Variants in PCNX1 observed in about 807,000 individuals in gnomAD.
The protein encoded by PCNX1 is pecanex-like protein 1.
PCNX1 carries 78 observed loss-of-function variants against 242.2 expected under a neutral mutation model. The ratio of observed to expected loss-of-function variants is 0.32; its 90% CI spans 0.27 to 0.39. The LOEUF is 0.39. PCNX1 is among the 10% of genes least tolerant of loss of function. The probability of loss-of-function intolerance (pLI) is 1.00; values close to 1 mark genes in which losing one functional copy is unlikely to be tolerated. For missense variants in PCNX1, 2,581 were observed against 2,856.5 expected (o/e 0.90, Z 2.20); for synonymous variants, 1,024 against 1,032.9 (o/e 0.99, Z 0.17).
intron 19 of PCNX1, among the ~76,000 whole-genome samples, chr14:71,039,788 GTTA>G (rs2060653493): frequency 6.6e-6 from 1 of 152,166 alleles, no homozygotes; most frequent in Non-Finnish European, 1.5e-5. Context: ...AGTCTAGAAT[GTTA>G]TTATCTAAAT....
intron 16 of PCNX1, among the ~76,000 whole-genome samples, chr14:71,030,217 G>T (rs2060344354): frequency 6.6e-6 from 1 of 152,054 alleles, no homozygotes; most frequent in African/African-American, 2.4e-5. Context: ...ATTTTTAACT[G>T]ATTCTTTTTG....
At position 71,113,941 on chromosome 14, in the gene PCNX1, T is replaced by C. The variant is rs1490963192; in HGVS notation, c.*4006T>C. On this transcript the variant is annotated 3_prime_UTR_variant, in exon 36 of 36. Coordinates refer to ENST00000304743, the MANE Select transcript of PCNX1 (RefSeq NM_014982.3). Reference sequence around the variant, plus strand: ...GTAATGTAATCATATAAAGTTACTTTGGACAGAGACCCAGTTAATTTTCTC... The same window carrying C: ...GTAATGTAATCATATAAAGTTACTTCGGACAGAGACCCAGTTAATTTTCTC... 5 of 152,296 alleles carry C rather than the reference T, an allele frequency of 3.3e-5. No homozygotes were observed. The East Asian group carries it at 9.6e-4, about 29-fold the overall frequency. 9.4% of individuals were successfully genotyped at this position (152,296 alleles called of 1,614,324 possible).
Position 71,050,773 on chromosome 14 carries a change from T to C in PCNX1, c.4447+13T>C, listed in dbSNP as rs2061004603. ...TTTGCAGTGCCTCGTATCCTTCTAA[T>C]TAAAGTTTTATAAGAATGGACAGTC... On this transcript the variant is annotated intron_variant, in intron 23 of 35. Transcript: ENST00000304743. 6.2e-7 allele frequency: 1 copy of C among 1,609,116 alleles called. No homozygotes were observed. Among genetic ancestry groups the C allele is most frequent in the Non-Finnish European group, 8.5e-7 (1 of 1,178,154 alleles).
intron 16 of PCNX1, among the ~76,000 whole-genome samples, chr14:71,031,478 A>G (rs1160008649): frequency 1.3e-5 from 2 of 152,106 alleles, no homozygotes; most frequent in Non-Finnish European, 2.9e-5. Flanking sequence ...CTGCCCTCCC[A>G]TTCTCCCGTC....
At chr14:70,910,026 C>T (rs888811881) in intron 1 of PCNX1, among the ~76,000 whole-genome samples, 3 of 90,346 alleles carry the variant, frequency 3.3e-5, no homozygotes, top group South Asian at 3.4e-4. Flanking sequence ...TAGACGACGA[C>T]TCCTCCCTCC....
At position 71,047,838 on chromosome 14, in the gene PCNX1, T is replaced by C. The variant is rs1297049947; in HGVS notation, c.4192T>C (p.Leu1398=). The C allele has an allele frequency of 1.7e-5, 27 of 1,612,846 alleles. 1 individual carries two copies. The Admixed American group carries it at 4.5e-4, about 27-fold the overall frequency. Residue 1398 remains leucine, a synonymous_variant, in exon 22 of 36, where the codon TTG becomes CTG. Transcript: ENST00000304743. ...TGCTTTAATGATCACTGTTGCTGGT[T>C]TGAAGTTGCTACGATCCTCTTTTAG... The part of the protein sequence containing the change: ...LGALMITVAG[L]KLLRSSFSSP...
At chr14:71,106,171 G>A (rs1293005179) in intron 33 of PCNX1, among the ~76,000 whole-genome samples, 12 of 151,406 alleles carry the variant, frequency 7.9e-5, no homozygotes, top group Non-Finnish European at 1.5e-4. Context: ...ATGCCACTGC[G>A]CCCAACTAAT....
Position 71,047,970 on chromosome 14 carries a change from A to G in PCNX1, c.4324A>G (p.Ile1442Val), listed in dbSNP as rs776024003. Residue 1442 changes from isoleucine (I) to valine (V), a missense_variant, in exon 22 of 36, where the codon ATA becomes GTA. Physicochemically the swap from Ile to Val is conservative, Grantham distance 29 (BLOSUM62 3). Around this residue, in one of 9 missense-constraint regions of PCNX1, gnomAD observed 432 missense variants for 443.1 expected, o/e 0.97. Coordinates refer to ENST00000304743, the MANE Select transcript of PCNX1 (RefSeq NM_014982.3). Reference protein sequence around the residue: ...TMLLDLFFMSILFNKLWELLY... With the variant: ...TMLLDLFFMSVLFNKLWELLY... The stretch of plus-strand genomic sequence containing the variant: ...GCTGTTGGATCTCTTCTTTATGTCC[A>G]TACTCTTCAACAAGGTAATTTATCA... The G allele has an allele frequency of 2.5e-6, 4 of 1,610,976 alleles. No individual in the cohort carries two copies. The highest frequency in any genetic ancestry group is 3.4e-6 in the Non-Finnish European group (4 of 1,178,088).
At chr14:71,070,582 T>C (rs1310495062) in intron 26 of PCNX1, among the ~76,000 whole-genome samples, 2 of 152,200 alleles carry the variant, frequency 1.3e-5, no homozygotes, top group Admixed American at 1.3e-4. Flanking sequence ...ATCAGGTGCA[T>C]TGTCAATGAG....
At chr14:71,086,418 C>T (rs2061991077) in intron 28 of PCNX1, among the ~76,000 whole-genome samples, 1 of 152,152 alleles carries the variant, frequency 6.6e-6, no homozygotes, top group Non-Finnish European at 1.5e-5. Flanking sequence ...CTGAAGGGTG[C>T]TGGATATTTC....
At chr14:70,951,154 A>C (rs1004009816) in intron 2 of PCNX1, among the ~76,000 whole-genome samples, 2 of 151,966 alleles carry the variant, frequency 1.3e-5, no homozygotes, top group African/African-American at 4.8e-5. Flanking sequence ...TTAAGTAACA[A>C]ATTTTTTCCC....
intron 3 of PCNX1, among the ~76,000 whole-genome samples, chr14:70,966,212 A>C (rs533067888): frequency 6.6e-6 from 1 of 152,212 alleles, no homozygotes; most frequent in Non-Finnish European, 1.5e-5. Flanking sequence ...GAAGAATAAA[A>C]TATAACCACT....
At chr14:70,944,845 G>T (rs765626350) in intron 1 of PCNX1, among the ~76,000 whole-genome samples, 1 of 152,116 alleles carries the variant, frequency 6.6e-6, no homozygotes, top group Non-Finnish European at 1.5e-5. Context: ...TTTTATAAGG[G>T]GCTTCCCCGT....
chr14:70,946,068 C>T (rs2140296896), intron 1 of PCNX1, among the ~76,000 whole-genome samples: 1 of 152,356 alleles, frequency 6.6e-6, no homozygotes, highest in South Asian at 2.1e-4. Context: ...TCACTGAATC[C>T]TCCTGTGTGA....
intron 30 of PCNX1, among the ~76,000 whole-genome samples, chr14:71,098,469 C>T (rs1424071707): frequency 6.7e-6 from 1 of 149,652 alleles, no homozygotes; most frequent in African/African-American, 2.5e-5. Flanking sequence ...TTTTGTAGTT[C>T]TCTTTGTAGA....
intron 7 of PCNX1, among the ~76,000 whole-genome samples, chr14:70,994,309 C>T (rs148648648): frequency 0.014 from 2,140 of 150,180 alleles, 24 homozygotes; most frequent in Middle Eastern, 0.034. Flanking sequence ...GACCAAGGAA[C>T]TTAAGTTTTA....
rs2062801478 is a variant in PCNX1, at chr14:71,113,818, A to G, written c.*3883A>G. The G allele has an allele frequency of 6.6e-6, 1 of 152,110 alleles. No individual in the cohort carries two copies. Among genetic ancestry groups the G allele is most frequent in the Non-Finnish European group, 1.5e-5 (1 of 67,988 alleles). The allele number at this position is 152,110 out of a possible 1,614,324, so 9.4% of individuals were successfully genotyped here. On this transcript the variant is annotated 3_prime_UTR_variant, in exon 36 of 36. Transcript: ENST00000304743. ...AATTTCATTTATATTTATTTTAATT[A>G]ATTTGTCATGAATATGGACAAAGCC...
rs191005189 is a variant in PCNX1 at position 71,032,931 on chromosome 14, G to C, written c.3559-498G>C. Among the ~76,000 whole-genome samples the C allele has an allele frequency of 3.7e-4, 57 of 152,344 alleles. 2 individuals are homozygous for C. The East Asian group carries it at 6.7e-3, about 18-fold the overall frequency. ...AGTTACTGAATGCCTGCTCAGTGCT[G>C]TGGAGGACATAGTAGTTTATTACAT... On this transcript the variant is annotated intron_variant, in intron 16 of 35. Transcript: ENST00000304743.
At chr14:70,995,305 A>T (rs1041401158) in intron 7 of PCNX1, among the ~76,000 whole-genome samples, 2 of 152,248 alleles carry the variant, frequency 1.3e-5, no homozygotes, top group African/African-American at 4.8e-5. Flanking sequence ...TTGAGATCTC[A>T]GAATATTTGA....
Sources: allele counts gnomAD v4.1 joint callset (sites outside exome capture counted in the v4.1 genomes callset), GRCh38; gene constraint gnomAD v4.1.1; regional missense constraint gnomAD v4.1.1; transcripts MANE v1.5; gene names NCBI Gene and HGNC (gene_info 2026-07-23, HGNC 2026-07-21).